The following RGS6 variants were observed in gnomAD, a reference collection of about 807,000 sequenced individuals.
RGS6 encodes regulator of G protein signaling 6.
Under a neutral mutation model 78.5 loss-of-function variants are expected in RGS6, and 30 were observed. The observed-to-expected ratio is 0.38, with a 90% CI of 0.29 to 0.52. RGS6 has a LOEUF of 0.52. Ranked by LOEUF, RGS6 falls within the 20% of genes least tolerant of loss-of-function variation. The pLI, the probability that RGS6 is intolerant of heterozygous loss-of-function variation, is 0.85. For synonymous variants in RGS6, 206 were observed against 206.0 expected (o/e 1.00, Z 0.00); for missense variants, 495 against 609.7 (o/e 0.81, Z 1.98).
At chr14:72,556,534 G>A (rs1020410800) in intron 17 of RGS6, among the ~76,000 whole-genome samples, 4 of 152,104 alleles carry the variant, frequency 2.6e-5, no homozygotes, top group Admixed American at 2.6e-4. Context: ...GCCTACTAGT[G>A]GTCCCAGTGA....
In RGS6 at chr14:72,241,165, A is replaced by C. The variant is rs529632771; in HGVS notation, c.85-110930A>C. 2.0e-3 allele frequency among the ~76,000 whole-genome samples: 309 copies of C among 151,916 alleles called. 1 individual carries two copies. Among genetic ancestry groups the C allele is most frequent in the African/African-American group, 7.1e-3 (296 of 41,462 alleles). On this transcript the variant is annotated intron_variant, in intron 2 of 17. Coordinates refer to ENST00000553525, the MANE Select transcript of RGS6 (RefSeq NM_001204424.2). ...AGCGAGACTCTGTCTCAAAAAAAAAAAAAAAACAAAACTTATGCCTTTTAT... is the reference window on the plus strand; with the variant it reads ...AGCGAGACTCTGTCTCAAAAAAAAACAAAAAACAAAACTTATGCCTTTTAT...
At chr14:72,027,732 A>C (rs1051202202) in intron 2 of RGS6, among the ~76,000 whole-genome samples, 4 of 152,120 alleles carry the variant, frequency 2.6e-5, no homozygotes, top group Admixed American at 6.6e-5. Flanking sequence ...ACTCCTGAAT[A>C]TATTAACCAT....
chr14:72,408,732 A>G (rs2093159148), intron 3 of RGS6, among the ~76,000 whole-genome samples: 1 of 152,224 alleles, frequency 6.6e-6, no homozygotes, highest in Non-Finnish European at 1.5e-5. Flanking sequence ...CAATCTAATG[A>G]TAAAGAACAG....
chr14:72,449,365 C>T (rs1226769539), intron 3 of RGS6, among the ~76,000 whole-genome samples: 1 of 152,154 alleles, frequency 6.6e-6, no homozygotes, highest in Non-Finnish European at 1.5e-5. Flanking sequence ...GTCTTTTTAT[C>T]AACTTTGCAT....
At chr14:72,451,558 T>C (rs1443077472) in intron 3 of RGS6, among the ~76,000 whole-genome samples, 1 of 151,820 alleles carries the variant, frequency 6.6e-6, no homozygotes, top group Non-Finnish European at 1.5e-5. Context: ...TACTAATTAG[T>C]GACATGGATA....
chr14:72,082,248 C>T (rs906832195), intron 2 of RGS6, among the ~76,000 whole-genome samples: 1 of 152,070 alleles, frequency 6.6e-6, no homozygotes, highest in Non-Finnish European at 1.5e-5. Flanking sequence ...GTAGTATGGA[C>T]ATTTTGACAA....
chr14:72,360,882 G>T (rs924642988), intron 3 of RGS6, among the ~76,000 whole-genome samples: 1 of 152,074 alleles, frequency 6.6e-6, no homozygotes, highest in African/African-American at 2.4e-5. Context: ...TTGGATCGTG[G>T]GGGTGGTTTC....
the RGS6 span, among the ~76,000 whole-genome samples, chr14:72,594,080 GT>G: frequency 6.6e-6 from 1 of 152,278 alleles, no homozygotes; most frequent in South Asian, 2.1e-4. Context: ...AAAAGATAGT[GT>G]GGGCTTATGA....
intron 2 of RGS6, among the ~76,000 whole-genome samples, chr14:72,139,939 A>C (rs1377210577): frequency 6.6e-6 from 1 of 151,926 alleles, no homozygotes; most frequent in African/African-American, 2.4e-5. Flanking sequence ...TTCCCACTTG[A>C]CTCTCAGTTA....
At chr14:72,370,615 A>G (rs530144411) in intron 3 of RGS6, among the ~76,000 whole-genome samples, 242 of 152,302 alleles carry the variant, frequency 1.6e-3, no homozygotes, top group African/African-American at 5.5e-3. Flanking sequence ...CAGCAACTAT[A>G]TTAAACAAAT....
At chr14:71,999,323 G>C (rs2082945845) in intron 2 of RGS6, among the ~76,000 whole-genome samples, 1 of 152,208 alleles carries the variant, frequency 6.6e-6, no homozygotes, top group African/African-American at 2.4e-5. Flanking sequence ...TGATCTAAAA[G>C]AGGAGATAAA....
intron 3 of RGS6, among the ~76,000 whole-genome samples, chr14:72,401,856 A>T (rs942644194): frequency 1.3e-5 from 2 of 152,236 alleles, no homozygotes; most frequent in Non-Finnish European, 2.9e-5. Flanking sequence ...AGACTGTTTG[A>T]TTTGGAGTGA....
intron 2 of RGS6, among the ~76,000 whole-genome samples, chr14:72,004,832 A>C (rs2084194855): frequency 1.3e-5 from 2 of 150,964 alleles, no homozygotes. Context: ...TCTCAAAGTA[A>C]ATAAATAAAT....
the RGS6 span, among the ~76,000 whole-genome samples, chr14:71,882,314 G>A: frequency 6.6e-6 from 1 of 152,150 alleles, no homozygotes; most frequent in Non-Finnish European, 1.5e-5. Flanking sequence ...TCCATTGTAT[G>A]TGTATATGTG....
chr14:72,615,097 C>T, the RGS6 span, among the ~76,000 whole-genome samples: 1 of 152,148 alleles, frequency 6.6e-6, no homozygotes, highest in Non-Finnish European at 1.5e-5. Flanking sequence ...ATGGGGACCC[C>T]CTGAAGAGGG....
chr14:72,106,266 T>C lies in RGS6; in HGVS notation c.84+141391T>C, dbSNP rs557165806. Among the ~76,000 whole-genome samples the C allele has an allele frequency of 2.0e-5, 3 of 152,296 alleles. No individual in the cohort carries two copies. In the South Asian group the frequency reaches 6.2e-4, roughly 32 times the overall value. ...AGACTCAAACTACACAAAATAAGCATAGTTTAATGCAAAGATTCCCAAAAT... is the reference window on the plus strand; with the variant it reads ...AGACTCAAACTACACAAAATAAGCACAGTTTAATGCAAAGATTCCCAAAAT... On this transcript the variant is annotated intron_variant, in intron 2 of 17. Transcript: ENST00000553525.
At chr14:72,501,613 G>A (rs1041031354) in intron 13 of RGS6, among the ~76,000 whole-genome samples, 7 of 152,202 alleles carry the variant, frequency 4.6e-5, no homozygotes, top group East Asian at 3.8e-4. Flanking sequence ...GCCAGATGAC[G>A]TAATTCTTTA....
chr14:72,362,996 A>C (rs2081763552), intron 3 of RGS6, among the ~76,000 whole-genome samples: 1 of 152,240 alleles, frequency 6.6e-6, no homozygotes, highest in African/African-American at 2.4e-5. Flanking sequence ...AGTAAGTATA[A>C]GCTTGTTTGT....
intron 2 of RGS6, among the ~76,000 whole-genome samples, chr14:71,977,689 G>A (rs1263009488): frequency 6.6e-6 from 1 of 150,766 alleles, no homozygotes; most frequent in Non-Finnish European, 1.5e-5. Context: ...TTTGAAGTCA[G>A]GTAGTGTGAT....
Sources: gnomAD v4.1 joint callset for allele counts (sites outside exome capture counted in the v4.1 genomes callset) on GRCh38, gnomAD v4.1.1 for gene constraint, MANE v1.5 for transcripts, NCBI Gene and HGNC (gene_info 2026-07-23, HGNC 2026-07-21) for gene names.